The following JPH3 variants were observed in gnomAD, a reference collection of about 807,000 sequenced individuals.
The protein encoded by JPH3 is junctophilin 3.
A neutral mutation model predicts 59.6 loss-of-function variants in JPH3; 11 were observed. The ratio of observed to expected loss-of-function variants is 0.18; its 90% CI spans 0.12 to 0.31. The LOEUF is 0.31. Ranked by LOEUF, JPH3 falls within the 10% of genes least tolerant of loss-of-function variation. The pLI, the probability that JPH3 is intolerant of heterozygous loss-of-function variation, is 1.00. For missense variants in JPH3, 1,202 were observed against 1,105.7 expected (o/e 1.09, Z -1.24); for synonymous variants, 673 against 483.6 (o/e 1.39, Z -5.14).
intron 1 of JPH3, among the ~76,000 whole-genome samples, chr16:87,609,348 C>A (rs558541558): frequency 1.1e-4 from 16 of 152,140 alleles, no homozygotes; most frequent in African/African-American, 3.9e-4. Flanking sequence ...CTCATTGCAA[C>A]CTCTGCCTCC....
intron 1 of JPH3, among the ~76,000 whole-genome samples, chr16:87,638,419 G>C (rs776879225): frequency 6.6e-6 from 1 of 152,128 alleles, no homozygotes; most frequent in Non-Finnish European, 1.5e-5. Context: ...GTTCATGGCC[G>C]GAACGCCAGA....
intron 4 of JPH3, among the ~76,000 whole-genome samples, chr16:87,691,925 G>A (rs1227280655): frequency 6.6e-6 from 1 of 152,068 alleles, no homozygotes; most frequent in African/African-American, 2.4e-5. Flanking sequence ...TCTATTTTTA[G>A]CCTGCTTAAT....
At chr16:87,638,761 G>A (rs1434993737) in intron 1 of JPH3, among the ~76,000 whole-genome samples, 3 of 152,174 alleles carry the variant, frequency 2.0e-5, no homozygotes, top group East Asian at 1.9e-4. Flanking sequence ...GAATGGGAAC[G>A]ACAACATCCA....
chr16:87,638,613 A>C (rs1232274308), intron 1 of JPH3, among the ~76,000 whole-genome samples: 2 of 151,862 alleles, frequency 1.3e-5, no homozygotes, highest in Non-Finnish European at 2.9e-5. Context: ...GGCTTGGTTC[A>C]TGGCAGGGCT....
At chr16:87,610,543 T>G (rs2030693416) in intron 1 of JPH3, among the ~76,000 whole-genome samples, 1 of 152,182 alleles carries the variant, frequency 6.6e-6, no homozygotes, top group South Asian at 2.1e-4. Flanking sequence ...TAGTATTTGG[T>G]AATTTTGTTT....
At chr16:87,676,364 GCT>G (rs2033141630) in intron 2 of JPH3, among the ~76,000 whole-genome samples, 1 of 152,124 alleles carries the variant, frequency 6.6e-6, no homozygotes, top group South Asian at 2.1e-4. Context: ...GCATTAAGTG[GCT>G]CTGTGACTTC....
At position 87,690,287 on chromosome 16, in the gene JPH3, C is replaced by G; in HGVS notation, c.1927C>G (p.His643Asp). 1.9e-6 allele frequency: 3 copies of G among 1,599,280 alleles called. No individual in the cohort carries two copies. Among genetic ancestry groups the G allele is most frequent in the Non-Finnish European group, 2.6e-6 (3 of 1,173,396 alleles). Reference sequence around the variant, plus strand: ...CGCCTGCCGGGGCTTGGGGGACGACCACCGCCCCGAGGACCGGGGCTTCGG... The same window carrying G: ...CGCCTGCCGGGGCTTGGGGGACGACGACCGCCCCGAGGACCGGGGCTTCGG... ...GGACRGLGDDHRPEDRGFGVQ... is the reference protein window; with the variant it reads ...GGACRGLGDDDRPEDRGFGVQ... Residue 643 changes from histidine to aspartate, a missense_variant, in exon 4 of 5, where the codon CAC (histidine) becomes GAC (aspartate). Transcript: ENST00000284262.
intron 2 of JPH3, among the ~76,000 whole-genome samples, chr16:87,672,894 C>T (rs1212529012): frequency 6.6e-6 from 1 of 152,190 alleles, no homozygotes; most frequent in Non-Finnish European, 1.5e-5. Flanking sequence ...CCTATAATCT[C>T]AGCACTTTGG....
chr16:87,646,321 T>C (rs955002321), intron 2 of JPH3, among the ~76,000 whole-genome samples: 1 of 152,252 alleles, frequency 6.6e-6, no homozygotes, highest in African/African-American at 2.4e-5. Context: ...TTCTATTGTT[T>C]TAGAGGGAAT....
At chr16:87,610,916 C>T (rs969134683) in intron 1 of JPH3, among the ~76,000 whole-genome samples, 1 of 152,214 alleles carries the variant, frequency 6.6e-6, no homozygotes, top group Non-Finnish European at 1.5e-5. Flanking sequence ...TGCTTAATTC[C>T]TCACTATCTT....
At chr16:87,688,616 G>C (rs1050845296) in intron 3 of JPH3, among the ~76,000 whole-genome samples, 2 of 152,118 alleles carry the variant, frequency 1.3e-5, no homozygotes, top group Non-Finnish European at 2.9e-5. Context: ...GCCGCCCCGG[G>C]TAGAGCTCTG....
chr16:87,604,957 C>T (rs2030460368), intron 1 of JPH3: 2 of 453,924 alleles, frequency 4.4e-6, no homozygotes, highest in East Asian at 7.0e-5. Flanking sequence ...AGACGGTGCT[C>T]CCTTGGTTCC....
At chr16:87,662,089 T>C (rs535277910) in intron 2 of JPH3, among the ~76,000 whole-genome samples, 1 of 152,322 alleles carries the variant, frequency 6.6e-6, no homozygotes, top group East Asian at 1.9e-4. Flanking sequence ...CCCCTCACCT[T>C]TTATTTTCTG....
At position 87,616,409 on chromosome 16, in the gene JPH3, AT is replaced by A. The variant is rs55924986; in HGVS notation, c.382+12895del. Among the ~76,000 whole-genome samples the A allele has an allele frequency of 7.1e-3, 943 of 132,570 alleles. 2 individuals are homozygous for A. The highest frequency in any genetic ancestry group is 0.019 in the East Asian group (86 of 4,602). The allele number at this position is 132,570 out of a possible 152,430, so 87.0% of individuals were successfully genotyped here. A position where few individuals can be genotyped will look rare whatever the true frequency, so the allele number is the denominator to read the frequency against. ...CCACCACGCCTGGTTAAGTTTTTGT[AT>A]TTTTTTTTTTTTTGTATTTTTAGTA... On this transcript the variant is annotated intron_variant, in intron 1 of 4. Transcript: ENST00000284262.
At chr16:87,695,544 G>T in intron 4 of JPH3, 1 of 454,658 alleles carries the variant, frequency 2.2e-6, no homozygotes, top group South Asian at 1.5e-5. Flanking sequence ...GGGGTGGGGA[G>T]AGGCAGGGGC....
intron 2 of JPH3, among the ~76,000 whole-genome samples, chr16:87,658,458 C>T (rs1032056787): frequency 2.6e-5 from 4 of 151,482 alleles, no homozygotes; most frequent in African/African-American, 7.3e-5. Flanking sequence ...CTCTCTGTCT[C>T]TCTGTCCTAT....
intron 1 of JPH3, among the ~76,000 whole-genome samples, chr16:87,634,010 C>G (rs899246551): frequency 2.0e-5 from 3 of 152,148 alleles, no homozygotes; most frequent in African/African-American, 7.2e-5. Flanking sequence ...TACCTTGCGG[C>G]ATAGGATTAG....
intron 4 of JPH3, among the ~76,000 whole-genome samples, chr16:87,692,764 T>C (rs1393522477): frequency 3.3e-5 from 5 of 152,136 alleles, no homozygotes; most frequent in Admixed American, 6.5e-5. Flanking sequence ...GACCTGATGG[T>C]GGGGTCCAGG....
intron 2 of JPH3, among the ~76,000 whole-genome samples, chr16:87,659,115 T>C (rs1209051315): frequency 6.6e-6 from 1 of 152,146 alleles, no homozygotes; most frequent in Non-Finnish European, 1.5e-5. Context: ...GGCTCATGCT[T>C]GTAATCTCAG....
Sources: gnomAD v4.1 joint callset for allele counts (sites outside exome capture counted in the v4.1 genomes callset) on GRCh38, gnomAD v4.1.1 for gene constraint, MANE v1.5 for transcripts, NCBI Gene and HGNC (gene_info 2026-07-23, HGNC 2026-07-21) for gene names.